Variants in EDIL3 observed in about 807,000 individuals in gnomAD.
EDIL3 encodes EGF like and discoidin domains 3.
A neutral mutation model predicts 67.4 loss-of-function variants in EDIL3; 37 were observed. That is an observed-to-expected ratio of 0.55 (90% confidence interval 0.42 to 0.72). EDIL3 has a LOEUF of 0.72. EDIL3 is among the 30% of genes least tolerant of loss of function. EDIL3 has a pLI of 0.00. For synonymous variants in EDIL3, 195 were observed against 196.3 expected (o/e 0.99, Z 0.05); for missense variants, 527 against 586.3 (o/e 0.90, Z 1.04).
intron 8 of EDIL3, among the ~76,000 whole-genome samples, chr5:84,062,212 C>A (rs1436324006): frequency 6.6e-6 from 1 of 152,076 alleles, no homozygotes; most frequent in Non-Finnish European, 1.5e-5. Flanking sequence ...CTAGAAAATT[C>A]TAACAGGCTT....
chr5:84,312,029 C>T (rs1746401986), intron 1 of EDIL3, among the ~76,000 whole-genome samples: 1 of 152,194 alleles, frequency 6.6e-6, no homozygotes, highest in East Asian at 1.9e-4. Flanking sequence ...TTCTATTCCA[C>T]AAAACCGCCA....
At chr5:84,253,475 C>T (rs1745072048) in intron 2 of EDIL3, among the ~76,000 whole-genome samples, 1 of 152,092 alleles carries the variant, frequency 6.6e-6, no homozygotes, top group Non-Finnish European at 1.5e-5. Flanking sequence ...GTGGAAATTA[C>T]AGAAGTTACT....
At chr5:84,371,319 GTATA>G (rs71607709) in intron 1 of EDIL3, among the ~76,000 whole-genome samples, 4,652 of 115,480 alleles carry the variant, frequency 0.04, 269 homozygotes, top group African/African-American at 0.14. Flanking sequence ...TAGATAAAAA[GTATA>G]TATATATATA....
At chr5:84,183,558 A>T (rs191208847) in intron 3 of EDIL3, among the ~76,000 whole-genome samples, 1 of 152,320 alleles carries the variant, frequency 6.6e-6, no homozygotes, top group African/African-American at 2.4e-5. Context: ...GTGAGGAAAA[A>T]AACCAAATAC....
intron 1 of EDIL3, among the ~76,000 whole-genome samples, chr5:84,281,566 T>C (rs1745703754): frequency 6.6e-6 from 1 of 152,198 alleles, no homozygotes; most frequent in South Asian, 2.1e-4. Context: ...GTGGGTGACA[T>C]CTGTGATCAC....
chr5:83,983,742 C>CTTTT (rs550782079), intron 9 of EDIL3, among the ~76,000 whole-genome samples: 13 of 126,910 alleles, frequency 1.0e-4, no homozygotes, highest in African/African-American at 3.1e-4. Context: ...CAGGGACTTT[C>CTTTT]TTTTTTTTTT....
intron 9 of EDIL3, among the ~76,000 whole-genome samples, chr5:84,027,956 A>G (rs1012156384): frequency 6.6e-6 from 1 of 152,094 alleles, no homozygotes; most frequent in Non-Finnish European, 1.5e-5. Context: ...TCTTTCCTGA[A>G]CTGTGGACAA....
chr5:84,246,079 CTA>C (rs1744904699), intron 2 of EDIL3, among the ~76,000 whole-genome samples: 1 of 152,076 alleles, frequency 6.6e-6, no homozygotes, highest in African/African-American at 2.4e-5. Flanking sequence ...GCAAACATAC[CTA>C]TGTGTTTATC....
At chr5:84,350,307 T>C (rs1254436440) in intron 1 of EDIL3, among the ~76,000 whole-genome samples, 1 of 152,106 alleles carries the variant, frequency 6.6e-6, no homozygotes, top group African/African-American at 2.4e-5. Context: ...CTTGACATAC[T>C]GACTGGTGGC....
chr5:84,306,772 G>A (rs1746283399), intron 1 of EDIL3, among the ~76,000 whole-genome samples: 1 of 152,178 alleles, frequency 6.6e-6, no homozygotes, highest in Non-Finnish European at 1.5e-5. Context: ...TTAATCAGCA[G>A]CTGTATCTTA....
chr5:84,187,457 G>A (rs895452220), intron 3 of EDIL3, among the ~76,000 whole-genome samples: 1 of 152,124 alleles, frequency 6.6e-6, no homozygotes, highest in South Asian at 2.1e-4. Context: ...ATATGTACTA[G>A]GCTTTGGTCA....
intron 1 of EDIL3, among the ~76,000 whole-genome samples, chr5:84,306,863 TATGTGACCTTAAACAAGC>T (rs2112137074): frequency 1.3e-5 from 2 of 152,328 alleles, no homozygotes; most frequent in East Asian, 3.8e-4. Context: ...ACTCACCAGC[TATGTGACCTTAAACAAGC>T]ATTTTGCCTC....
At chr5:84,249,852 T>C (rs1207587346) in intron 2 of EDIL3, among the ~76,000 whole-genome samples, 3 of 152,126 alleles carry the variant, frequency 2.0e-5, no homozygotes, top group African/African-American at 7.2e-5. Context: ...CCCAGCACTT[T>C]GGGAGCCAAG....
chr5:84,233,752 C>T (rs1384283808), intron 2 of EDIL3, among the ~76,000 whole-genome samples: 1 of 152,102 alleles, frequency 6.6e-6, no homozygotes, highest in Non-Finnish European at 1.5e-5. Context: ...AAGGCCTCCT[C>T]ACTCTTCTCA....
At chr5:84,319,931 C>T (rs1054843356) in intron 1 of EDIL3, among the ~76,000 whole-genome samples, 1 of 151,910 alleles carries the variant, frequency 6.6e-6, no homozygotes, top group Non-Finnish European at 1.5e-5. Flanking sequence ...TGTTTTCACT[C>T]ATAAATGGGA....
chr5:84,070,891 T>C (rs1042301635), intron 6 of EDIL3, among the ~76,000 whole-genome samples: 3 of 152,134 alleles, frequency 2.0e-5, no homozygotes, highest in African/African-American at 4.8e-5. Flanking sequence ...TTATTGAGGG[T>C]AACTCCAAGG....
At chr5:84,019,761 T>C (rs1745677073) in intron 9 of EDIL3, among the ~76,000 whole-genome samples, 1 of 152,076 alleles carries the variant, frequency 6.6e-6, no homozygotes, top group Non-Finnish European at 1.5e-5. Flanking sequence ...GAAGAGTTGA[T>C]AGGCAAGACC....
intron 1 of EDIL3, among the ~76,000 whole-genome samples, chr5:84,295,851 T>C (rs1325312055): frequency 6.6e-6 from 1 of 152,182 alleles, no homozygotes; most frequent in African/African-American, 2.4e-5. Flanking sequence ...TTTTAATTGA[T>C]GAACAGTGAC....
chr5:84,241,382 T>C (rs1266330735), intron 2 of EDIL3, among the ~76,000 whole-genome samples: 1 of 152,228 alleles, frequency 6.6e-6, no homozygotes, highest in Non-Finnish European at 1.5e-5. Context: ...CTATCATAAA[T>C]TCCAACTTGG....
Sources: allele counts gnomAD v4.1 joint callset (sites outside exome capture counted in the v4.1 genomes callset), GRCh38; gene constraint gnomAD v4.1.1; transcripts MANE v1.5; gene names NCBI Gene and HGNC (gene_info 2026-07-23, HGNC 2026-07-21).